The following HIP1 variants were observed in gnomAD, a reference collection of about 807,000 sequenced individuals.
The protein encoded by HIP1 is huntingtin-interacting protein 1.
A neutral mutation model predicts 147.6 loss-of-function variants in HIP1; 65 were observed. That is an observed-to-expected ratio of 0.44 (90% CI 0.36 to 0.54). The LOEUF is 0.54. Among genes scored for constraint, HIP1 ranks in the 20% least tolerant of loss-of-function variants. The pLI is 0.00. For missense variants in HIP1, 1,061 were observed against 1,299.6 expected, an observed-to-expected ratio of 0.82 and a Z score of 2.82; for synonymous variants, 479 against 504.0, an observed-to-expected ratio of 0.95 and a Z score of 0.67.
chr7:75,709,286 T>C (rs1801095421), intron 1 of HIP1, among the ~76,000 whole-genome samples: 1 of 151,956 alleles, frequency 6.6e-6, no homozygotes, highest in African/African-American at 2.4e-5. Flanking sequence ...TTGATGTTTG[T>C]ATTTTCAGTA....
chr7:75,542,710 T>G, intron 28 of HIP1, 141 bp downstream of exon 28: 1 of 862,920 alleles, frequency 1.2e-6, no homozygotes, highest in South Asian at 2.0e-5. Context: ...AAAACAGAAA[T>G]AAAGAAAAAA....
At chr7:75,539,252 AG>A in intron 30 of HIP1, 70 bp downstream of exon 30, 1 of 1,087,838 alleles carries the variant, frequency 9.2e-7, no homozygotes, top group Non-Finnish European at 1.4e-6. Context: ...GTTCCATTCT[AG>A]GGGAAGGCCC....
At position 75,719,376 on chromosome 7, in the gene HIP1, C is replaced by T. The variant is rs374604540; in HGVS notation, c.120+19425G>A. 1.4e-3 allele frequency among the ~76,000 whole-genome samples: 220 copies of T among 151,926 alleles called. 1 individual carries two copies. The highest frequency in any genetic ancestry group is 5.0e-3 in the African/African-American group (208 of 41,442). On this transcript the variant is annotated intron_variant, in intron 1 of 30. Coordinates refer to ENST00000336926, the MANE Select transcript of HIP1 (RefSeq NM_005338.7). ...AAAATTAGCCAGGCAAGGTGGCAGG[C>T]ACCTATAGTCCCAGCTACTCAGGAG... is the stretch of plus-strand genomic sequence containing the variant.
chr7:75,694,856 T>C (rs904324959), intron 1 of HIP1, among the ~76,000 whole-genome samples: 1 of 152,014 alleles, frequency 6.6e-6, no homozygotes, highest in African/African-American at 2.4e-5. Context: ...ACTTTCCAAC[T>C]TTTGGCTTTC....
chr7:75,575,042 C>T, intron 7 of HIP1, among the ~76,000 whole-genome samples: 1 of 152,122 alleles, frequency 6.6e-6, no homozygotes, highest in East Asian at 1.9e-4. Context: ...CCTGTAATCC[C>T]AGCTACTTGG....
intron 1 of HIP1, among the ~76,000 whole-genome samples, chr7:75,630,287 C>T (rs1036392071): frequency 5.3e-5 from 8 of 151,544 alleles, no homozygotes; most frequent in African/African-American, 9.7e-5. Flanking sequence ...GGTGAAACTC[C>T]GTCTCTACAA....
intron 2 of HIP1, among the ~76,000 whole-genome samples, chr7:75,597,426 G>T (rs1796787375): frequency 6.6e-6 from 1 of 152,160 alleles, no homozygotes; most frequent in Non-Finnish European, 1.5e-5. Context: ...GCAGACAGAA[G>T]TCCAGCCTCT....
At chr7:75,538,570 C>CTTTTTTTTT in intron 30 of HIP1, among the ~76,000 whole-genome samples, 1 of 112,940 alleles carries the variant, frequency 8.9e-6, no homozygotes, top group Non-Finnish European at 1.9e-5. Context: ...CTGATCCCTT[C>CTTTTTTTTT]TTTTTTTTTT....
rs1301112868 is a variant in HIP1, at chr7:75,573,848, A to C, written c.658T>G (p.Cys220Gly). The C allele has an allele frequency of 6.2e-7, 1 of 1,613,994 alleles. No homozygotes were observed. Among genetic ancestry groups the C allele is most frequent in the Non-Finnish European group, 8.5e-7 (1 of 1,179,872 alleles). The part of the protein sequence containing the change: ...RSVSVTAAGQ[C>G]RLAPLIQVIL... Reference sequence around the variant, plus strand: ...ACCTGGATCAGCGGGGCGAGGCGGCACTGCCCTGCTGCCGTCACGGACACA... The same window carrying C: ...ACCTGGATCAGCGGGGCGAGGCGGCCCTGCCCTGCTGCCGTCACGGACACA... Residue 220 changes from cysteine to glycine, a missense_variant, in exon 8 of 31, where the codon TGC (cysteine) becomes GGC (glycine). By Grantham distance (159) the Cys-to-Gly change is radical. This residue lies in a region of HIP1 where 225 missense variants were observed against 292.9 expected (regional missense o/e 0.77). Transcript: ENST00000336926.
chr7:75,641,858 C>T (rs1351087885), intron 1 of HIP1, among the ~76,000 whole-genome samples: 1 of 152,174 alleles, frequency 6.6e-6, no homozygotes, highest in African/African-American at 2.4e-5. Flanking sequence ...GCTGGTTAAG[C>T]TGGAAACTTC....
intron 1 of HIP1, among the ~76,000 whole-genome samples, chr7:75,714,710 C>T (rs1323691082): frequency 3.9e-5 from 6 of 152,154 alleles, no homozygotes; most frequent in Non-Finnish European, 8.8e-5. Flanking sequence ...GCCTCGGCCT[C>T]CCAAAGTGCT....
At chr7:75,582,507 C>T (rs587722615) in intron 5 of HIP1, among the ~76,000 whole-genome samples, 1 of 152,180 alleles carries the variant, frequency 6.6e-6, no homozygotes, top group East Asian at 1.9e-4. Flanking sequence ...TCTACATGTA[C>T]AAGTGGATAC....
intron 8 of HIP1, among the ~76,000 whole-genome samples, chr7:75,569,161 C>T (rs953541520): frequency 2.6e-5 from 4 of 152,188 alleles, no homozygotes; most frequent in South Asian, 2.1e-4. Context: ...CTCAGATGTG[C>T]GAACCTGCAT....
Position 75,568,702 on chromosome 7 carries a change from A to G in HIP1, c.746-446T>C, listed in dbSNP as rs1795501956. On this transcript the variant is annotated intron_variant, in intron 8 of 30. Coordinates refer to ENST00000336926, the MANE Select transcript of HIP1 (RefSeq NM_005338.7). The surrounding 1 kb of genome is among the most constrained non-coding windows in gnomAD (Gnocchi z 4.1). ...GAACCTGCCCAAGAGGATGGCTGTCAGAAGGCAAAGAACAAGGGATTGAAG... is the reference window on the plus strand; with the variant it reads ...GAACCTGCCCAAGAGGATGGCTGTCGGAAGGCAAAGAACAAGGGATTGAAG... 6.6e-6 allele frequency among the ~76,000 whole-genome samples: 1 copy of G among 152,186 alleles called. No homozygotes were observed. Among genetic ancestry groups the G allele is most frequent in the Non-Finnish European group, 1.5e-5 (1 of 68,030 alleles).
At chr7:75,708,362 A>T (rs931802646) in intron 1 of HIP1, among the ~76,000 whole-genome samples, 4 of 152,086 alleles carry the variant, frequency 2.6e-5, no homozygotes, top group African/African-American at 7.2e-5. Context: ...CATGAAGTCC[A>T]GTTTGTCTGG....
chr7:75,592,261 G>T, intron 3 of HIP1, 111 bp downstream of exon 3: 1 of 1,442,350 alleles, frequency 6.9e-7, no homozygotes, highest in South Asian at 1.2e-5. Context: ...GAACCCAAAG[G>T]CCAGGAGAAG....
intron 1 of HIP1, among the ~76,000 whole-genome samples, chr7:75,681,777 AG>A (rs1320512915): frequency 2.0e-5 from 3 of 151,742 alleles, no homozygotes; most frequent in Non-Finnish European, 4.4e-5. Context: ...CTAGGATTAC[AG>A]GCATGAGCCA....
At chr7:75,578,735 TAC>T (rs1554498120) in intron 7 of HIP1, among the ~76,000 whole-genome samples, 1 of 152,164 alleles carries the variant, frequency 6.6e-6, no homozygotes. Flanking sequence ...ATTATCCACA[TAC>T]GTTGTTCCCA....
chr7:75,613,111 A>G (rs1366476748), intron 1 of HIP1, among the ~76,000 whole-genome samples: 1 of 151,332 alleles, frequency 6.6e-6, no homozygotes, highest in Admixed American at 6.6e-5. Context: ...ACACACATGC[A>G]CACAAAAGAA....
Sources: allele counts gnomAD v4.1 joint callset (sites outside exome capture counted in the v4.1 genomes callset), GRCh38; gene constraint gnomAD v4.1.1; regional missense constraint gnomAD v4.1.1; non-coding constraint Gnocchi (gnomAD v3.1); transcripts MANE v1.5; gene names NCBI Gene and HGNC (gene_info 2026-07-23, HGNC 2026-07-21).